The following TRAPPC8 variants were observed in gnomAD, a reference collection of about 807,000 sequenced individuals.
The protein encoded by TRAPPC8 is general sporulation gene 1 homolog.
TRAPPC8 carries 54 observed loss-of-function variants against 174.3 expected under a neutral mutation model. The ratio of observed to expected loss-of-function variants is 0.31; its 90% CI spans 0.25 to 0.39. The LOEUF (loss-of-function observed/expected upper bound fraction) is 0.39, where lower values mean the gene tolerates loss of function less well. TRAPPC8 is among the 10% of genes least tolerant of loss of function. The pLI, the probability that TRAPPC8 is intolerant of heterozygous loss-of-function variation, is 1.00. For missense variants in TRAPPC8, 1,531 were observed against 1,699.1 expected (o/e 0.90, Z 1.74); for synonymous variants, 630 against 579.9 (o/e 1.09, Z -1.24).
In TRAPPC8 at chr18:31,855,786, AGT is replaced by A; in HGVS notation, c.3208_3209del (p.Thr1070CysfsTer19). The A allele has an allele frequency of 6.3e-7, 1 of 1,599,638 alleles. No individual in the cohort carries two copies. Among genetic ancestry groups the A allele is most frequent in the Non-Finnish European group, 8.5e-7 (1 of 1,176,686 alleles). ...PKIRHRILRHTAIICTSRSLN... is the reference protein window; with the variant it reads ...PKIRHRILRHXAIICTSRSLN... ...AAGACCGACTGGTACAAATAATTGC[AGT>A]GTGTCTTAATATTCTGTGCCTGAAG... is the stretch of plus-strand genomic sequence containing the variant. On this transcript the variant is annotated frameshift_variant, in exon 21 of 29. Transcript: ENST00000283351. LOFTEE classifies it high-confidence loss of function.
At chr18:31,935,970 C>T (rs1184035356) in intron 1 of TRAPPC8, among the ~76,000 whole-genome samples, 2 of 151,710 alleles carry the variant, frequency 1.3e-5, no homozygotes, top group Admixed American at 6.6e-5. Context: ...AACTCTTGAC[C>T]TCATGATCCA....
chr18:31,922,389 T>C (rs2037427567), intron 2 of TRAPPC8, among the ~76,000 whole-genome samples: 1 of 151,684 alleles, frequency 6.6e-6, no homozygotes, highest in Non-Finnish European at 1.5e-5. Flanking sequence ...GCCCAGGAGT[T>C]GGAGACCAGC....
chr18:31,939,497 CCATT>C (rs2038240659), intron 1 of TRAPPC8: 1 of 152,200 alleles, frequency 6.6e-6, no homozygotes, highest in Non-Finnish European at 1.5e-5. Context: ...TGTTTCCCAA[CCATT>C]CAGTCATAAT....
At chr18:31,843,034 C>T (rs914099221) in intron 26 of TRAPPC8, among the ~76,000 whole-genome samples, 3 of 151,714 alleles carry the variant, frequency 2.0e-5, no homozygotes, top group Admixed American at 6.6e-5. Flanking sequence ...ATTTTCAAGG[C>T]AAAAAAATTC....
At chr18:31,925,188 G>C (rs1325261142) in intron 2 of TRAPPC8, among the ~76,000 whole-genome samples, 2 of 151,390 alleles carry the variant, frequency 1.3e-5, no homozygotes, top group Non-Finnish European at 2.9e-5. Context: ...CCAAAGATTT[G>C]AGGTAAGTGT....
chr18:31,858,734 TAA>T (rs1023435701), intron 19 of TRAPPC8, among the ~76,000 whole-genome samples: 2 of 152,194 alleles, frequency 1.3e-5, no homozygotes, highest in African/African-American at 4.8e-5. Context: ...GACTTGTGCT[TAA>T]AGAGACAGAA....
chr18:31,900,166 A>T (rs1298265215), intron 10 of TRAPPC8, among the ~76,000 whole-genome samples: 1 of 152,128 alleles, frequency 6.6e-6, no homozygotes, highest in African/African-American at 2.4e-5. Context: ...CCCAGGAAGA[A>T]GAGGTTACAG....
rs978139164 is a variant in TRAPPC8 at position 31,829,909 on chromosome 18, G to C, written c.*846C>G. ...TGAATAAAAAAATATTTTGAAACCA[G>C]ACTTTCTAATCAACAGATACTAATA... is the stretch of plus-strand genomic sequence containing the variant. On this transcript the variant is annotated 3_prime_UTR_variant, in exon 29 of 29. Coordinates refer to ENST00000283351, the MANE Select transcript of TRAPPC8 (RefSeq NM_014939.5). 1 of 152,548 alleles carries C rather than the reference G, an allele frequency of 6.6e-6. No homozygotes were observed. Among genetic ancestry groups the C allele is most frequent in the African/African-American group, 2.4e-5 (1 of 41,414 alleles). 9.4% of individuals were successfully genotyped at this position (152,548 alleles called of 1,614,324 possible).
intron 12 of TRAPPC8, among the ~76,000 whole-genome samples, chr18:31,885,107 T>C (rs938016272): frequency 2.8e-4 from 43 of 152,134 alleles, no homozygotes; most frequent in African/African-American, 1.0e-3. Context: ...TCCGCCTGCG[T>C]CGGCCTCCCA....
chr18:31,902,922 G>A (rs938595639), intron 9 of TRAPPC8, among the ~76,000 whole-genome samples: 13 of 152,044 alleles, frequency 8.6e-5, no homozygotes, highest in Admixed American at 5.9e-4. Flanking sequence ...GGTGGCGGGC[G>A]CCTGTAGTCC....
At chr18:31,932,088 A>C (rs2037871085) in intron 1 of TRAPPC8, among the ~76,000 whole-genome samples, 2 of 152,230 alleles carry the variant, frequency 1.3e-5, no homozygotes, top group East Asian at 3.9e-4. Context: ...CTTTCTGCTC[A>C]AATTTGCCAT....
intron 16 of TRAPPC8, among the ~76,000 whole-genome samples, chr18:31,868,586 C>T (rs2034694961): frequency 6.6e-6 from 1 of 152,030 alleles, no homozygotes; most frequent in Non-Finnish European, 1.5e-5. Context: ...CAGAATACAG[C>T]CTGGGAAATC....
At position 31,917,638 on chromosome 18, in the gene TRAPPC8, C is replaced by G; in HGVS notation, c.382G>C (p.Glu128Gln). Reference sequence around the variant, plus strand: ...GCTGGCATCGACTGAAGAAAGGTTTCTCTGTAAGACTCAAACCATGGAGTA... The same window carrying G: ...GCTGGCATCGACTGAAGAAAGGTTTGTCTGTAAGACTCAAACCATGGAGTA... ...ATTPWFESYRETFLQSMPALD... is the reference protein window; with the variant it reads ...ATTPWFESYRQTFLQSMPALD... Residue 128 changes from glutamate (E) to glutamine (Q), a missense_variant, in exon 3 of 29, where the codon GAA (glutamate) becomes CAA (glutamine). Coordinates refer to ENST00000283351, the MANE Select transcript of TRAPPC8 (RefSeq NM_014939.5). 3.7e-6 allele frequency: 6 copies of G among 1,613,220 alleles called. No homozygotes were observed. The highest frequency in any genetic ancestry group is 5.1e-6 in the Non-Finnish European group (6 of 1,179,676).
At chr18:31,832,057 A>G (rs748565323) in intron 28 of TRAPPC8, 27 bp downstream of exon 28, 34 of 1,414,294 alleles carry the variant, frequency 2.4e-5, no homozygotes, top group Non-Finnish European at 3.3e-5. Context: ...CCCAAATCAA[A>G]TAACCTTGCA....
chr18:31,852,486 T>C lies in TRAPPC8; in HGVS notation c.3521A>G (p.Glu1174Gly). The C allele has an allele frequency of 6.2e-7, 1 of 1,614,230 alleles. No individual in the cohort carries two copies. Among genetic ancestry groups the C allele is most frequent in the Non-Finnish European group, 8.5e-7 (1 of 1,180,042 alleles). ...GATGATATCTGCAAAGGTATATTTT[T>C]CAGAGGACTGTGTGGCCGCTAAAAA... Reference protein sequence around the residue: ...EKEEAATQSSEKYTFADIIFG... With the variant: ...EKEEAATQSSGKYTFADIIFG... Residue 1174 changes from glutamate (E) to glycine (G), a missense_variant, in exon 24 of 29, where the codon GAA becomes GGA. Coordinates refer to ENST00000283351, the MANE Select transcript of TRAPPC8 (RefSeq NM_014939.5).
At chr18:31,931,649 G>T (rs536633135) in intron 1 of TRAPPC8, 126 bp from the exon 2 acceptor site, 3 of 631,108 alleles carry the variant, frequency 4.8e-6, no homozygotes, top group Admixed American at 7.0e-5. Context: ...CAAGTGGAAC[G>T]TTCTTCCAGA....
At chr18:31,846,515 G>A (rs977557876) in intron 26 of TRAPPC8, among the ~76,000 whole-genome samples, 3 of 152,086 alleles carry the variant, frequency 2.0e-5, no homozygotes, top group African/African-American at 7.2e-5. Flanking sequence ...GGTCAAGGCT[G>A]CAGTGAGCCA....
intron 2 of TRAPPC8, among the ~76,000 whole-genome samples, chr18:31,921,618 CAAAAAA>C (rs34622423): frequency 3.2e-5 from 2 of 61,852 alleles, no homozygotes; most frequent in East Asian, 5.2e-4. Flanking sequence ...GACTCCGTCT[CAAAAAA>C]AAAAAAAAAA....
Position 31,871,013 on chromosome 18 carries a change from CTT to C in TRAPPC8, c.2168_2169del (p.Lys723ArgfsTer20). 1 of 1,611,492 alleles carries C rather than the reference CTT, an allele frequency of 6.2e-7. No homozygotes were observed. On this transcript the variant is annotated frameshift_variant, in exon 15 of 29. Coordinates refer to ENST00000283351, the MANE Select transcript of TRAPPC8 (RefSeq NM_014939.5). LOFTEE classifies it high-confidence loss of function. Reference sequence around the variant, plus strand: ...GGATGAAAATTGGATGGAATTACTCCTTTGTTAACCACAGAAACAACTTGTTC... The same window carrying C: ...GGATGAAAATTGGATGGAATTACTCCTGTTAACCACAGAAACAACTTGTTC... The part of the protein sequence containing the change: ...LEEQVVSVVN[K>X]GVIPSNFHPT...
Sources: gnomAD v4.1 joint callset for allele counts (sites outside exome capture counted in the v4.1 genomes callset) on GRCh38, gnomAD v4.1.1 for gene constraint, MANE v1.5 for transcripts, NCBI Gene and HGNC (gene_info 2026-07-23, HGNC 2026-07-21) for gene names.